PCDH15: variants seen among roughly 807,000 people sequenced by gnomAD.
The protein encoded by PCDH15 is protocadherin related 15.
A neutral mutation model predicts 178.5 loss-of-function variants in PCDH15; 129 were observed. The ratio of observed to expected loss-of-function variants is 0.72; its 90% CI spans 0.63 to 0.84. The LOEUF (loss-of-function observed/expected upper bound fraction) is 0.84, where lower values mean the gene tolerates loss of function less well. Ranked by LOEUF, PCDH15 falls within the 40% of genes least tolerant of loss-of-function variation. PCDH15 has a pLI of 0.00. For synonymous variants in PCDH15, 800 were observed against 732.0 expected (o/e 1.09, Z -1.50); for missense variants, 2,230 against 2,099.9 (o/e 1.06, Z -1.21).
intron 2 of PCDH15, among the ~76,000 whole-genome samples, chr10:55,111,094 C>G (rs889303938): frequency 1.3e-5 from 2 of 152,104 alleles, no homozygotes; most frequent in Non-Finnish European, 2.9e-5. Context: ...ATAAAAACCT[C>G]TTCTTTATAA....
At chr10:54,824,761 G>A (rs1157403932) in intron 3 of PCDH15, among the ~76,000 whole-genome samples, 4 of 152,048 alleles carry the variant, frequency 2.6e-5, no homozygotes, top group African/African-American at 9.7e-5. Context: ...GCATAGGGAG[G>A]AAATAGACAG....
rs962655535 is a variant in PCDH15, at chr10:54,758,974, C to T, written c.-29+41951G>A. Among the ~76,000 whole-genome samples, 7 of 152,242 alleles carry T rather than the reference C, an allele frequency of 4.6e-5. No individual in the cohort carries two copies. The South Asian group carries it at 6.2e-4, about 14-fold the overall frequency. On this transcript the variant is annotated intron_variant, in intron 1 of 37. Coordinates refer to ENST00000644397, the MANE Select transcript of PCDH15 (RefSeq NM_001384140.1). ...CTTCTGTCCTCTCATTTCCTGGTCT[C>T]CTACTGACTCGCCTCTTATCTCTAT...
chr10:55,476,849 A>C (rs534895357), intron 2 of PCDH15, among the ~76,000 whole-genome samples: 1 of 152,032 alleles, frequency 6.6e-6, no homozygotes, highest in East Asian at 1.9e-4. Context: ...GATTCTGTAG[A>C]TTGTCCCTGA....
At chr10:55,373,218 T>C (rs1321123462) in intron 2 of PCDH15, among the ~76,000 whole-genome samples, 1 of 152,118 alleles carries the variant, frequency 6.6e-6, no homozygotes, top group East Asian at 1.9e-4. Context: ...GGAACTTTAA[T>C]CATTTATGTA....
chr10:55,513,132 T>C (rs1840926651), intron 2 of PCDH15: 1 of 152,174 alleles, frequency 6.6e-6, no homozygotes, highest in Non-Finnish European at 1.5e-5. Flanking sequence ...TGATTAATGT[T>C]CTTTGTAGAA....
intron 2 of PCDH15, among the ~76,000 whole-genome samples, chr10:55,030,197 C>G (rs1370211924): frequency 6.6e-6 from 1 of 152,092 alleles, no homozygotes; most frequent in Non-Finnish European, 1.5e-5. Flanking sequence ...TGGGTGCCAA[C>G]ATGTGCCTCT....
At chr10:54,366,524 A>C (rs994535542) in intron 5 of PCDH15, among the ~76,000 whole-genome samples, 2 of 152,062 alleles carry the variant, frequency 1.3e-5, no homozygotes, top group Admixed American at 6.6e-5. Context: ...TCTAATTTTA[A>C]TGTATCTTCC....
intron 2 of PCDH15, among the ~76,000 whole-genome samples, chr10:54,561,545 A>G (rs2088157439): frequency 6.6e-6 from 1 of 152,106 alleles, no homozygotes; most frequent in Non-Finnish European, 1.5e-5. Flanking sequence ...GTTTTCCCAG[A>G]TATATGTACC....
intron 26 of PCDH15, among the ~76,000 whole-genome samples, chr10:53,898,124 G>T (rs2082088844): frequency 2.1e-5 from 3 of 142,362 alleles, no homozygotes; most frequent in African/African-American, 8.1e-5. Context: ...CCACCACCAC[G>T]CCTGGCTAAT....
At chr10:55,039,810 G>A (rs368523379) in intron 2 of PCDH15, among the ~76,000 whole-genome samples, 4 of 152,092 alleles carry the variant, frequency 2.6e-5, no homozygotes, top group African/African-American at 4.8e-5. Flanking sequence ...AGTAAATTAC[G>A]CCAATTCCTT....
chr10:54,215,187 G>T (rs1056513863), intron 9 of PCDH15, among the ~76,000 whole-genome samples: 7 of 74,282 alleles, frequency 9.4e-5, no homozygotes, highest in African/African-American at 1.9e-4. Flanking sequence ...GAGATTAAAT[G>T]ACTTATTTAA....
intron 2 of PCDH15, among the ~76,000 whole-genome samples, chr10:55,363,754 G>C (rs1481535548): frequency 6.6e-6 from 1 of 151,918 alleles, no homozygotes; most frequent in Admixed American, 6.6e-5. Context: ...TCCTGCATCA[G>C]CCTACCAAGT....
At chr10:54,060,226 T>C (rs1047000845) in intron 18 of PCDH15, among the ~76,000 whole-genome samples, 1 of 152,218 alleles carries the variant, frequency 6.6e-6, no homozygotes, top group Non-Finnish European at 1.5e-5. Context: ...ATAATCTGAC[T>C]GACTATGATT....
At chr10:55,341,146 G>T (rs1844545843) in intron 2 of PCDH15, among the ~76,000 whole-genome samples, 2 of 151,654 alleles carry the variant, frequency 1.3e-5, no homozygotes, top group South Asian at 4.2e-4. Context: ...AATACCCTTG[G>T]TACAAAATCA....
At chr10:55,367,042 G>A (rs1845379172) in intron 2 of PCDH15, among the ~76,000 whole-genome samples, 1 of 151,592 alleles carries the variant, frequency 6.6e-6, no homozygotes, top group Admixed American at 6.6e-5. Context: ...CCATTCTCTG[G>A]GATTATGGGA....
intron 2 of PCDH15, among the ~76,000 whole-genome samples, chr10:55,386,423 CA>C (rs36017071): frequency 0.25 from 37,244 of 150,232 alleles, 5,234 homozygotes; most frequent in African/African-American, 0.39. Context: ...AAGCATTTCA[CA>C]AAAAAAAATG....
intron 2 of PCDH15, among the ~76,000 whole-genome samples, chr10:55,595,124 A>G (rs1168496577): frequency 1.3e-5 from 2 of 152,066 alleles, no homozygotes; most frequent in African/African-American, 2.4e-5. Context: ...GATAAGTTTC[A>G]GATTCTTTGA....
chr10:53,968,393 C>A (rs1377005643), intron 21 of PCDH15, among the ~76,000 whole-genome samples: 1 of 152,182 alleles, frequency 6.6e-6, no homozygotes, highest in African/African-American at 2.4e-5. Context: ...CTCAAGGAGG[C>A]CTGCCTGCCT....
rs560928301 is a variant in PCDH15 at position 55,473,312 on chromosome 10, TAAC to T, written c.-156+154310_-156+154312del. Among the ~76,000 whole-genome samples, 11 of 151,426 alleles carry T rather than the reference TAAC, an allele frequency of 7.3e-5. No homozygotes were observed. In the South Asian group the frequency reaches 2.3e-3, roughly 32 times the overall value. On this transcript the variant is annotated intron_variant, in intron 2 of 5. Transcript: ENST00000613346. Reference sequence around the variant, plus strand: ...AGAATAAATGCAAAAGCTCAAAAGATAACAACATAAATAGGGTATATAAAAAAA... The same window carrying T: ...AGAATAAATGCAAAAGCTCAAAAGATAACATAAATAGGGTATATAAAAAAA...
Sources: gnomAD v4.1 joint callset for allele counts (sites outside exome capture counted in the v4.1 genomes callset) on GRCh38, gnomAD v4.1.1 for gene constraint, MANE v1.5 for transcripts, NCBI Gene and HGNC (gene_info 2026-07-23, HGNC 2026-07-21) for gene names.